Variants in CAMK4 observed in about 807,000 individuals in gnomAD.
CAMK4 encodes calcium/calmodulin-dependent protein kinase type IV.
CAMK4 carries 22 observed loss-of-function variants against 44.9 expected under a neutral mutation model. The ratio of observed to expected loss-of-function variants is 0.49; its 90% CI spans 0.35 to 0.70. CAMK4 has a LOEUF of 0.70. Ranked by LOEUF, CAMK4 falls within the 30% of genes least tolerant of loss-of-function variation. The pLI is 0.01. For synonymous variants in CAMK4, 218 were observed against 215.4 expected (o/e 1.01, Z -0.11); for missense variants, 498 against 586.8 (o/e 0.85, Z 1.56).
intron 2 of CAMK4, among the ~76,000 whole-genome samples, chr5:111,371,709 C>T (rs935449947): frequency 4.6e-5 from 7 of 152,036 alleles, no homozygotes; most frequent in South Asian, 4.2e-4. Context: ...TAATATTCTC[C>T]GATTTAGAAG....
chr5:111,321,850 A>G (rs1024479264), intron 1 of CAMK4, among the ~76,000 whole-genome samples: 1 of 152,168 alleles, frequency 6.6e-6, no homozygotes, highest in Non-Finnish European at 1.5e-5. Context: ...GCCCTTAAAT[A>G]GATTTATCAT....
At chr5:111,478,256 G>A in intron 8 of CAMK4, 125 bp from the exon 9 acceptor site, 1 of 519,380 alleles carries the variant, frequency 1.9e-6, no homozygotes, top group Non-Finnish European at 3.3e-6. Flanking sequence ...GCATACTTAA[G>A]CTGAGTAGAC....
chr5:111,241,540 CTCTA>C (rs1197036996), intron 1 of CAMK4, among the ~76,000 whole-genome samples: 3 of 152,202 alleles, frequency 2.0e-5, no homozygotes, highest in Non-Finnish European at 2.9e-5. Context: ...TCTTTTCTTA[CTCTA>C]TCTAGTCTTT....
At chr5:111,269,202 A>G (rs1365839742) in intron 1 of CAMK4, among the ~76,000 whole-genome samples, 1 of 152,230 alleles carries the variant, frequency 6.6e-6, no homozygotes, top group Non-Finnish European at 1.5e-5. Flanking sequence ...ATGTGAGCTG[A>G]TCTTCTGCAA....
chr5:111,423,595 A>T (rs187198044), intron 5 of CAMK4, among the ~76,000 whole-genome samples: 1 of 152,214 alleles, frequency 6.6e-6, no homozygotes. Context: ...CACACTCAAG[A>T]TTTAATGGCT....
intron 1 of CAMK4, among the ~76,000 whole-genome samples, chr5:111,254,263 G>A (rs1476251908): frequency 6.6e-6 from 1 of 152,174 alleles, no homozygotes; most frequent in East Asian, 1.9e-4. Flanking sequence ...GACAGAAACT[G>A]ACAGGAAATG....
At chr5:111,450,547 G>C (rs1211310653) in intron 7 of CAMK4, among the ~76,000 whole-genome samples, 1 of 125,410 alleles carries the variant, frequency 8.0e-6, no homozygotes, top group African/African-American at 3.4e-5. Flanking sequence ...CAGCACTTTC[G>C]GAGGCCGAGG....
chr5:111,458,827 A>G (rs1333608485), intron 7 of CAMK4, among the ~76,000 whole-genome samples: 1 of 152,210 alleles, frequency 6.6e-6, no homozygotes, highest in Non-Finnish European at 1.5e-5. Flanking sequence ...AGAACACACC[A>G]GGTGTCTTTA....
intron 1 of CAMK4, among the ~76,000 whole-genome samples, chr5:111,320,738 T>C (rs1178130063): frequency 2.0e-5 from 3 of 152,142 alleles, no homozygotes; most frequent in African/African-American, 7.2e-5. Context: ...ACTCCTGACC[T>C]CAGGTGATCC....
At chr5:111,399,973 C>G (rs1340730717) in intron 5 of CAMK4, among the ~76,000 whole-genome samples, 2 of 152,078 alleles carry the variant, frequency 1.3e-5, no homozygotes, top group Non-Finnish European at 2.9e-5. Flanking sequence ...GGAGTTATAC[C>G]AGTTAAGAAA....
intron 1 of CAMK4, chr5:111,270,061 A>G (rs1750438273): frequency 1.3e-5 from 2 of 152,460 alleles, no homozygotes; most frequent in Admixed American, 6.5e-5. Context: ...CCAGTTCTAC[A>G]AGGGCTTCCT....
At chr5:111,310,899 T>C (rs1748174769) in intron 1 of CAMK4, among the ~76,000 whole-genome samples, 1 of 152,176 alleles carries the variant, frequency 6.6e-6, no homozygotes, top group South Asian at 2.1e-4. Flanking sequence ...TCGCTTTAGC[T>C]GTGTTCATCT....
chr5:111,476,021 G>A (rs186081023), intron 8 of CAMK4, among the ~76,000 whole-genome samples: 5 of 152,198 alleles, frequency 3.3e-5, no homozygotes, highest in East Asian at 3.9e-4. Flanking sequence ...ATGAAGCTAC[G>A]TTATAAGCTT....
At chr5:111,385,249 A>C (rs1170587647) in intron 4 of CAMK4, among the ~76,000 whole-genome samples, 1 of 152,144 alleles carries the variant, frequency 6.6e-6, no homozygotes, top group East Asian at 1.9e-4. Context: ...GGGGATGATA[A>C]GTGCTATAAT....
intron 7 of CAMK4, among the ~76,000 whole-genome samples, chr5:111,453,419 C>T (rs1754302252): frequency 1.3e-5 from 2 of 152,144 alleles, no homozygotes; most frequent in Non-Finnish European, 2.9e-5. Flanking sequence ...TCAGTTCTAG[C>T]CCTTTCTTCC....
At chr5:111,276,849 T>A (rs1013973890) in intron 1 of CAMK4, among the ~76,000 whole-genome samples, 5 of 152,170 alleles carry the variant, frequency 3.3e-5, no homozygotes, top group Non-Finnish European at 7.4e-5. Flanking sequence ...TTACCAAAAA[T>A]TTTTAAAAAT....
chr5:111,462,064 C>T (rs1024619469), intron 7 of CAMK4, among the ~76,000 whole-genome samples: 4 of 152,170 alleles, frequency 2.6e-5, no homozygotes, highest in Non-Finnish European at 4.4e-5. Context: ...ATACTTGAGC[C>T]ATGCTCCAGC....
chr5:111,338,038 T>C (rs968347889), intron 1 of CAMK4, among the ~76,000 whole-genome samples: 1 of 151,188 alleles, frequency 6.6e-6, no homozygotes, highest in Non-Finnish European at 1.5e-5. Context: ...CTAATGATGC[T>C]GTGGATCTTT....
At chr5:111,430,374 C>A (rs373957974) in intron 5 of CAMK4, among the ~76,000 whole-genome samples, 2 of 152,184 alleles carry the variant, frequency 1.3e-5, no homozygotes, top group African/African-American at 4.8e-5. Context: ...TGGGGAAAAA[C>A]TGACAGCCTT....
Sources: allele counts gnomAD v4.1 joint callset (sites outside exome capture counted in the v4.1 genomes callset), GRCh38; gene constraint gnomAD v4.1.1; transcripts MANE v1.5; gene names NCBI Gene and HGNC (gene_info 2026-07-23, HGNC 2026-07-21).